Variants in ZSCAN26 observed in about 807,000 individuals in gnomAD.
ZSCAN26 encodes zinc finger and SCAN domain-containing protein 26.
Under a neutral mutation model 23.0 loss-of-function variants are expected in ZSCAN26, and 26 were observed. The observed-to-expected ratio is 1.13, with a 90% confidence interval of 0.83 to 1.57. The LOEUF is 1.57. Ranked by LOEUF, ZSCAN26 falls within the 40% of genes most tolerant of loss-of-function variation. The pLI, the probability that ZSCAN26 is intolerant of heterozygous loss-of-function variation, is 0.00. For missense variants in ZSCAN26, 528 were observed against 568.5 expected, an observed-to-expected ratio of 0.93 and a Z score of 0.72; for synonymous variants, 180 against 202.5, an observed-to-expected ratio of 0.89 and a Z score of 0.94.
intron 1 of ZSCAN26, among the ~76,000 whole-genome samples, chr6:28,268,501 C>G (rs1345118330): frequency 6.6e-6 from 1 of 152,166 alleles, no homozygotes; most frequent in African/African-American, 2.4e-5. Flanking sequence ...TTCATATCCT[C>G]CTTAGAATGA....
chr6:28,270,321 T>A (rs954278925), intron 1 of ZSCAN26, among the ~76,000 whole-genome samples: 1 of 152,218 alleles, frequency 6.6e-6, no homozygotes, highest in East Asian at 1.9e-4. Context: ...ACTGATTAAG[T>A]GAGCCTTCTC....
chr6:28,268,765 A>G (rs1397852980), intron 1 of ZSCAN26, among the ~76,000 whole-genome samples: 1 of 152,206 alleles, frequency 6.6e-6, no homozygotes, highest in African/African-American at 2.4e-5. Context: ...TATTTATTAT[A>G]TATTGTGTTT....
intron 1 of ZSCAN26, 191 bp downstream of exon 1, chr6:28,267,404 C>T (rs967112300): frequency 1.1e-4 from 17 of 152,038 alleles, no homozygotes; most frequent in Non-Finnish European, 2.1e-4. Context: ...GTACAACCTT[C>T]TGCTGCATAT....
rs556001141 is a variant in ZSCAN26 at position 28,268,841 on chromosome 6, G to A, written c.-67+1628G>A. 2.0e-5 allele frequency among the ~76,000 whole-genome samples: 3 copies of A among 152,200 alleles called. No homozygotes were observed. The East Asian group carries it at 5.8e-4, about 29-fold the overall frequency. On this transcript the variant is annotated intron_variant, in intron 1 of 3. Transcript: ENST00000421553. ...TTCAGCCTCATACCCAGCCAGGCACGGTGGCTCATGCCTGTAATCCCAGCA... is the reference window on the plus strand; with the variant it reads ...TTCAGCCTCATACCCAGCCAGGCACAGTGGCTCATGCCTGTAATCCCAGCA...
rs1001772429 is a variant in ZSCAN26, at chr6:28,273,627, T to A, written c.538+840T>A. The stretch of plus-strand genomic sequence containing the variant: ...GCCACATGCTTCATTACTCATTTTT[T>A]AACATTTCCTTCAAATTATTGTAAA... On this transcript the variant is annotated intron_variant, in intron 3 of 3. Transcript: ENST00000421553. 4.6e-5 allele frequency among the ~76,000 whole-genome samples: 7 copies of A among 151,398 alleles called. No individual in the cohort carries two copies. In the South Asian group the frequency reaches 1.0e-3, roughly 23 times the overall value.
chr6:28,269,363 T>A (rs1761590232), intron 1 of ZSCAN26, among the ~76,000 whole-genome samples: 1 of 152,092 alleles, frequency 6.6e-6, no homozygotes, highest in Non-Finnish European at 1.5e-5. Flanking sequence ...ATGCCTGTAT[T>A]TGTGTCATTA....
rs1370825734 is a variant in ZSCAN26, at chr6:28,271,603, A to G, written c.-66-251A>G. 3.9e-5 allele frequency among the ~76,000 whole-genome samples: 6 copies of G among 152,286 alleles called. No individual in the cohort carries two copies. The East Asian group carries it at 7.7e-4, about 20-fold the overall frequency. On this transcript the variant is annotated intron_variant, in intron 1 of 3. Transcript: ENST00000421553. The stretch of plus-strand genomic sequence containing the variant: ...CTCAGCCTCCCAAAGTGCTGAGATG[A>G]CAAGTGTAAGCCACAGTGCCTAGCC...
chr6:28,272,629 C>A, intron 2 of ZSCAN26, 41 bp from the exon 3 acceptor site: 1 of 1,500,864 alleles, frequency 6.7e-7, no homozygotes, highest in Non-Finnish European at 9.1e-7. Context: ...CCTAAACCCA[C>A]ATATATCTAA....
rs116288753 is a variant in ZSCAN26 at position 28,277,044 on chromosome 6, G to A, written c.1388G>A (p.Arg463Lys). 6.2e-7 allele frequency: 1 copy of A among 1,613,918 alleles called. No individual in the cohort carries two copies. Among genetic ancestry groups the A allele is most frequent in the African/African-American group, 1.3e-5 (1 of 75,034 alleles). ...GAATGTGGAGAAGCCTTCAGGCAAA[G>A]GTCAGGTCTTTTTCAACATCAGAGA... ...CSECGEAFRQ[R>K]SGLFQHQRYH... Residue 463 changes from arginine to lysine, a missense_variant, in exon 4 of 4, where the codon AGG becomes AAG. Physicochemically the swap from Arg to Lys is conservative, Grantham distance 26. Coordinates refer to ENST00000421553, the MANE Select transcript of ZSCAN26 (RefSeq NM_001023560.4).
rs1761947820 is a variant in ZSCAN26, at chr6:28,276,561, A to C, written c.905A>C (p.Gln302Pro). ...AGGAGTTCACACCTCGTCAGACATCAGAAAATCCATCTTGGTGAGAAGCCT... is the reference window on the plus strand; with the variant it reads ...AGGAGTTCACACCTCGTCAGACATCCGAAAATCCATCTTGGTGAGAAGCCT... ...FQRSSHLVRH[Q>P]KIHLGEKPYQ... The change falls in exon 4 of 4, where the codon CAG becomes CCG. Residue 302 changes from glutamine to proline, a missense_variant. Gln to Pro is a moderately conservative substitution (Grantham distance 76, BLOSUM62 -1). Coordinates refer to ENST00000421553, the MANE Select transcript of ZSCAN26 (RefSeq NM_001023560.4). 1 of 1,613,420 alleles carries C rather than the reference A, an allele frequency of 6.2e-7. No individual in the cohort carries two copies. The highest frequency in any genetic ancestry group is 1.1e-5 in the South Asian group (1 of 90,950).
At chr6:28,268,639 G>T (rs192558728) in intron 1 of ZSCAN26, among the ~76,000 whole-genome samples, 122 of 152,282 alleles carry the variant, frequency 8.0e-4, no homozygotes, top group African/African-American at 2.9e-3. Flanking sequence ...TTAAGCAATA[G>T]AATCAATAGA....
At chr6:28,274,139 G>C (rs1761839858) in intron 3 of ZSCAN26, among the ~76,000 whole-genome samples, 1 of 150,140 alleles carries the variant, frequency 6.7e-6, no homozygotes, top group Non-Finnish European at 1.5e-5. Context: ...TTTCTAGTTT[G>C]CTTCTCTTTT....
At chr6:28,276,113 A>AT (rs1023136238) in intron 3 of ZSCAN26, 82 bp from the exon 4 acceptor site, 953 of 1,263,994 alleles carry the variant, frequency 7.5e-4, no homozygotes, top group Non-Finnish European at 9.0e-4. Context: ...GCTTCATTAT[A>AT]TTTTTTTTTC....
chr6:28,272,087 G>GT lies in ZSCAN26; in HGVS notation c.170dup (p.Leu57PhefsTer4). 1.3e-6 allele frequency: 2 copies of GT among 1,575,982 alleles called. No individual in the cohort carries two copies. The highest frequency in any genetic ancestry group is 1.7e-6 in the Non-Finnish European group (2 of 1,160,366). Reference sequence around the variant, plus strand: ...AGCCATTGTGCAAACAATTCAGGCAGTTGCGTTATGAAGAGACCACAGGAC... The same window carrying GT: ...AGCCATTGTGCAAACAATTCAGGCAGTTTGCGTTATGAAGAGACCACAGGAC... On this transcript the variant is annotated frameshift_variant, in exon 2 of 4. Transcript: ENST00000421553. LOFTEE classifies it high-confidence loss of function.
chr6:28,269,116 G>GA (rs71778120), intron 1 of ZSCAN26, among the ~76,000 whole-genome samples: 72 of 141,068 alleles, frequency 5.1e-4, no homozygotes, highest in East Asian at 6.1e-4. Context: ...CCATTTCAAA[G>GA]AAAAAAAAAA....
intron 3 of ZSCAN26, among the ~76,000 whole-genome samples, chr6:28,274,022 C>T (rs1321720347): frequency 6.6e-6 from 1 of 152,062 alleles, no homozygotes. Flanking sequence ...GCCCAGCCTC[C>T]TTTATTTTCT....
chr6:28,269,867 T>C (rs1012083325), intron 1 of ZSCAN26, among the ~76,000 whole-genome samples: 6 of 152,218 alleles, frequency 3.9e-5, no homozygotes, highest in African/African-American at 1.4e-4. Context: ...TTTGACCAAA[T>C]ATCTGAGCAC....
intron 3 of ZSCAN26, among the ~76,000 whole-genome samples, chr6:28,274,461 C>G (rs906405850): frequency 6.6e-6 from 1 of 152,112 alleles, no homozygotes; most frequent in Admixed American, 6.5e-5. Flanking sequence ...AGTTTAAATA[C>G]AAAAAGTAAA....
intron 3 of ZSCAN26, among the ~76,000 whole-genome samples, chr6:28,274,074 T>G (rs1171884470): frequency 6.7e-6 from 1 of 149,210 alleles, no homozygotes; most frequent in Non-Finnish European, 1.5e-5. Flanking sequence ...CTCCTTACAT[T>G]TTTTCATTTC....
Sources: gnomAD v4.1 joint callset for allele counts (sites outside exome capture counted in the v4.1 genomes callset) on GRCh38, gnomAD v4.1.1 for gene constraint, MANE v1.5 for transcripts, NCBI Gene and HGNC (gene_info 2026-07-23, HGNC 2026-07-21) for gene names.